IKZF3: variants seen among roughly 807,000 people sequenced by gnomAD.
IKZF3 encodes IKAROS family zinc finger 3.
In IKZF3, 10 loss-of-function variants were observed where a neutral mutation model predicts 49.0. That is an observed-to-expected ratio of 0.20 (90% CI 0.13 to 0.35). The LOEUF (loss-of-function observed/expected upper bound fraction) is 0.35, where lower values mean the gene tolerates loss of function less well. Ranked by LOEUF, IKZF3 falls within the 10% of genes least tolerant of loss-of-function variation. The pLI is 1.00. For synonymous variants in IKZF3, 209 were observed against 228.2 expected (o/e 0.92, Z 0.76); for missense variants, 498 against 664.8 (o/e 0.75, Z 2.76).
intron 1 of IKZF3, among the ~76,000 whole-genome samples, chr17:39,838,469 T>C (rs34485135): frequency 0.058 from 8,804 of 152,268 alleles, 403 homozygotes; most frequent in African/African-American, 0.12. Flanking sequence ...ATTTAGTTCA[T>C]TTTAATTTCT....
chr17:39,796,248 A>C lies in IKZF3; in HGVS notation c.164-3315T>G, dbSNP rs377188006. Among the ~76,000 whole-genome samples the C allele has an allele frequency of 6.8e-4, 103 of 152,310 alleles. 2 individuals are homozygous for C. In the South Asian group the frequency reaches 0.02, roughly 30 times the overall value. On this transcript the variant is annotated intron_variant, in intron 3 of 7. Transcript: ENST00000346872. ...GTGTTCTACTTAGAAAAATTCTATT[A>C]GAAAATACTAATGAACATGTCTAAA...
chr17:39,853,833 T>TAA (rs34052978), intron 1 of IKZF3, among the ~76,000 whole-genome samples: 1 of 134,334 alleles, frequency 7.4e-6, no homozygotes, highest in Admixed American at 7.6e-5. Flanking sequence ...AAACTCCGTC[T>TAA]AAAAAAAAAA....
At chr17:39,814,198 T>C (rs1448767806) in intron 3 of IKZF3, among the ~76,000 whole-genome samples, 1 of 152,172 alleles carries the variant, frequency 6.6e-6, no homozygotes, top group Non-Finnish European at 1.5e-5. Flanking sequence ...AGCTTTCTAA[T>C]TAAAGTTCTT....
Position 39,762,461 on chromosome 17 carries a change from CA to C in IKZF3, c.*3328del, listed in dbSNP as rs1270022477. On this transcript the variant is annotated 3_prime_UTR_variant, in exon 8 of 8. Coordinates refer to ENST00000346872, the MANE Select transcript of IKZF3 (RefSeq NM_012481.5). ...TGCCTTTGTGAGTGGTCACCTTACT[CA>C]GAAAACTAACCTCAGAAGAATAGAA... 17 of 152,154 alleles carry C rather than the reference CA, an allele frequency of 1.1e-4. No individual in the cohort carries two copies. Among genetic ancestry groups the C allele is most frequent in the African/African-American group, 4.1e-4 (17 of 41,414 alleles). The allele number at this position is 152,154 out of a possible 1,614,324, so 9.4% of individuals were successfully genotyped here.
At chr17:39,788,974 A>G (rs1275831205) in intron 5 of IKZF3, among the ~76,000 whole-genome samples, 2 of 152,096 alleles carry the variant, frequency 1.3e-5, no homozygotes, top group Non-Finnish European at 2.9e-5. Context: ...GTCTCACTCT[A>G]TCACCCAGGC....
intron 3 of IKZF3, among the ~76,000 whole-genome samples, chr17:39,807,544 A>ATTTTTTTTTT (rs890371023): frequency 2.2e-4 from 18 of 80,780 alleles, no homozygotes; most frequent in Non-Finnish European, 3.5e-4. Context: ...GACTATTTAA[A>ATTTTTTTTTT]TTTTTTTTTT....
At chr17:39,781,705 C>T (rs778306763) in intron 6 of IKZF3, among the ~76,000 whole-genome samples, 2 of 152,164 alleles carry the variant, frequency 1.3e-5, no homozygotes, top group Non-Finnish European at 2.9e-5. Flanking sequence ...TGGGAGGATG[C>T]TGAAGTGTGG....
chr17:39,792,337 T>C (rs2061045475), intron 4 of IKZF3, among the ~76,000 whole-genome samples: 1 of 152,220 alleles, frequency 6.6e-6, no homozygotes, highest in Non-Finnish European at 1.5e-5. Context: ...TCTGCTCTTA[T>C]TAAAAATGTT....
At chr17:39,822,720 C>T (rs532042090) in intron 3 of IKZF3, among the ~76,000 whole-genome samples, 6 of 151,700 alleles carry the variant, frequency 4.0e-5, no homozygotes, top group Non-Finnish European at 7.4e-5. Flanking sequence ...GTAGCTGGAA[C>T]TACAGGTGCC....
chr17:39,767,476 C>A (rs1304976566), intron 7 of IKZF3, among the ~76,000 whole-genome samples: 3 of 151,940 alleles, frequency 2.0e-5, no homozygotes, highest in African/African-American at 4.8e-5. Flanking sequence ...GAAGTGGAGC[C>A]GAGTGCTGGA....
At chr17:39,768,295 G>A (rs996060603) in intron 7 of IKZF3, among the ~76,000 whole-genome samples, 2 of 152,186 alleles carry the variant, frequency 1.3e-5, no homozygotes, top group Admixed American at 6.5e-5. Flanking sequence ...ATTTTGAGAA[G>A]GGTCTTGAAC....
intron 6 of IKZF3, among the ~76,000 whole-genome samples, chr17:39,785,009 C>T (rs1024264045): frequency 3.9e-5 from 6 of 152,170 alleles, no homozygotes; most frequent in African/African-American, 1.2e-4. Context: ...AGAATGAGTG[C>T]TGCAGGCACA....
intron 2 of IKZF3, among the ~76,000 whole-genome samples, chr17:39,830,089 T>C (rs2062069728): frequency 6.6e-6 from 1 of 152,352 alleles, no homozygotes; most frequent in South Asian, 2.1e-4. Flanking sequence ...TCTCCATTGG[T>C]ATATCTCACG....
intron 1 of IKZF3, chr17:39,835,036 C>A: frequency 2.4e-6 from 1 of 412,506 alleles, no homozygotes; most frequent in Non-Finnish European, 4.6e-6. Flanking sequence ...ACAACCACAG[C>A]CCTAGAGAAG....
intron 1 of IKZF3, among the ~76,000 whole-genome samples, chr17:39,857,699 T>C (rs1007522541): frequency 4.6e-5 from 7 of 152,140 alleles, no homozygotes; most frequent in African/African-American, 7.2e-5. Context: ...CCCTTTACTA[T>C]AAAAGCTGGG....
intron 3 of IKZF3, among the ~76,000 whole-genome samples, chr17:39,800,423 T>C (rs1465214318): frequency 6.6e-6 from 1 of 152,232 alleles, no homozygotes; most frequent in Non-Finnish European, 1.5e-5. Context: ...AAAGGCTTCC[T>C]GAATACCTTT....
At chr17:39,787,612 C>T (rs185488464) in intron 6 of IKZF3, among the ~76,000 whole-genome samples, 109 of 152,294 alleles carry the variant, frequency 7.2e-4, no homozygotes, top group African/African-American at 2.3e-3. Context: ...AATTAGAATA[C>T]TTCTCACCAC....
chr17:39,804,043 G>A (rs751023469), intron 3 of IKZF3, among the ~76,000 whole-genome samples: 14 of 152,186 alleles, frequency 9.2e-5, no homozygotes, highest in Non-Finnish European at 1.6e-4. Flanking sequence ...CACAATTAGT[G>A]TATTTATCTC....
At chr17:39,807,401 C>CT (rs1257023793) in intron 3 of IKZF3, among the ~76,000 whole-genome samples, 2,274 of 136,188 alleles carry the variant, frequency 0.017, 26 homozygotes, top group Non-Finnish European at 0.026. Context: ...CAATGATATT[C>CT]TTTTTTTTTT....
Sources: allele counts gnomAD v4.1 joint callset (sites outside exome capture counted in the v4.1 genomes callset), GRCh38; gene constraint gnomAD v4.1.1; transcripts MANE v1.5; gene names NCBI Gene and HGNC (gene_info 2026-07-23, HGNC 2026-07-21).